Variants in SLC6A2 observed in about 807,000 individuals in gnomAD.
SLC6A2 encodes solute carrier family 6 member 2.
In SLC6A2, 26 loss-of-function variants were observed where a neutral mutation model predicts 71.7. That is an observed-to-expected ratio of 0.36 (90% CI 0.27 to 0.50). The LOEUF (loss-of-function observed/expected upper bound fraction) is 0.50. SLC6A2 is among the 20% of genes least tolerant of loss of function. The probability of loss-of-function intolerance (pLI) is 0.96; values close to 1 mark genes in which losing one functional copy is unlikely to be tolerated. For missense variants in SLC6A2, 581 were observed against 803.9 expected (o/e 0.72, Z 3.35); for synonymous variants, 363 against 337.9 (o/e 1.07, Z -0.82).
intron 4 of SLC6A2, among the ~76,000 whole-genome samples, chr16:55,674,845 C>T (rs1260551220): frequency 2.6e-5 from 4 of 152,172 alleles, no homozygotes; most frequent in Non-Finnish European, 4.4e-5. Context: ...TAGAATGATT[C>T]ATCTTCCTTT....
chr16:55,670,177 A>C (rs1394469429), intron 3 of SLC6A2, among the ~76,000 whole-genome samples: 5 of 152,232 alleles, frequency 3.3e-5, no homozygotes, highest in African/African-American at 1.2e-4. Context: ...ATCTGCAGAA[A>C]GTAGGCAGAG....
At position 55,692,158 on chromosome 16, in the gene SLC6A2, G is replaced by A; in HGVS notation, c.918+106G>A. 3 of 1,326,428 alleles carry A rather than the reference G, an allele frequency of 2.3e-6. No homozygotes were observed. The East Asian group carries it at 6.9e-5, about 31-fold the overall frequency. The allele number at this position is 1,326,428 out of a possible 1,614,324, so 82.2% of individuals were successfully genotyped here. On this transcript the variant is annotated intron_variant, in intron 6 of 14. Coordinates refer to ENST00000568943, the MANE Select transcript of SLC6A2 (RefSeq NM_001172501.3). ...CCCAGCTCTGCCACAAATGTGCAGT[G>A]TAGCCTTGGACAGGATCCTTCCCTG...
chr16:55,689,289 A>C (rs1395096715), intron 5 of SLC6A2, among the ~76,000 whole-genome samples: 2 of 152,238 alleles, frequency 1.3e-5, no homozygotes, highest in Non-Finnish European at 2.9e-5. Context: ...GCCAATTCTG[A>C]GAATCTTCAA....
intron 2 of SLC6A2, among the ~76,000 whole-genome samples, chr16:55,665,358 C>T (rs552646740): frequency 5.6e-4 from 85 of 152,190 alleles, no homozygotes; most frequent in Non-Finnish European, 1.0e-3. Flanking sequence ...TGTTAGGGCA[C>T]CCTTGGGGTG....
Position 55,656,591 on chromosome 16 carries a change from G to T in SLC6A2, c.-51-53G>T. The T allele has an allele frequency of 6.8e-7, 1 of 1,467,696 alleles. No homozygotes were observed. The highest frequency in any genetic ancestry group is 9.5e-7 in the Non-Finnish European group (1 of 1,056,932). The allele number at this position is 1,467,696 out of a possible 1,614,324, so 90.9% of individuals were successfully genotyped here. On this transcript the variant is annotated intron_variant, in intron 1 of 14. Transcript: ENST00000568943. The surrounding 1 kb of genome is among the most constrained non-coding windows in gnomAD (Gnocchi z 4.5). ...GCGCTCCCGGGTGGTCTTGGGAGTT[G>T]CAAGTAGGGAGGAACGGCCGGGTAA...
In SLC6A2 at chr16:55,656,892, G is replaced by A; in HGVS notation, c.198G>A (p.Leu66=). Reference sequence around the variant, plus strand: ...CCTGGGGCAAGAAGATCGACTTCCTGCTGTCCGTAGTCGGCTTCGCAGTGG... The same window carrying A: ...CCTGGGGCAAGAAGATCGACTTCCTACTGTCCGTAGTCGGCTTCGCAGTGG... The part of the protein sequence containing the change: ...RETWGKKIDF[L]LSVVGFAVDL... The change falls in exon 2 of 15, where the codon CTG becomes CTA. Residue 66 remains leucine, a synonymous_variant. Transcript: ENST00000568943. The surrounding 1 kb of genome is among the most constrained non-coding windows in gnomAD (Gnocchi z 4.5). 1 of 1,614,064 alleles carries A rather than the reference G, an allele frequency of 6.2e-7. No homozygotes were observed. Among genetic ancestry groups the A allele is most frequent in the Non-Finnish European group, 8.5e-7 (1 of 1,179,962 alleles).
chr16:55,697,238 G>A (rs1451100748), intron 9 of SLC6A2, among the ~76,000 whole-genome samples: 3 of 152,178 alleles, frequency 2.0e-5, no homozygotes, highest in Non-Finnish European at 4.4e-5. Flanking sequence ...TTTTGAGGCT[G>A]CTTCTGGGCT....
chr16:55,666,877 C>T (rs569279376), intron 2 of SLC6A2, among the ~76,000 whole-genome samples: 86 of 152,316 alleles, frequency 5.6e-4, no homozygotes, highest in African/African-American at 1.9e-3. Context: ...CCCACAGTGG[C>T]GAGGTCGGAG....
At chr16:55,659,709 C>T (rs1215232933) in intron 2 of SLC6A2, among the ~76,000 whole-genome samples, 3 of 152,160 alleles carry the variant, frequency 2.0e-5, no homozygotes, top group Non-Finnish European at 4.4e-5. Context: ...GACCTCCAAC[C>T]GTATTCAGAA....
chr16:55,671,923 C>A lies in SLC6A2; in HGVS notation c.407-15C>A. ...GGCCTGGGAGACTCCTACCTTACCC[C>A]CTGTCCCTGCCCAGGCGTTGGCTAT... On this transcript the variant is annotated splice_polypyrimidine_tract_variant and intron_variant, in intron 3 of 14. Transcript: ENST00000568943. 3 of 1,613,996 alleles carry A rather than the reference C, an allele frequency of 1.9e-6. No individual in the cohort carries two copies. Among genetic ancestry groups the A allele is most frequent in the Non-Finnish European group, 1.7e-6 (2 of 1,179,976 alleles).
intron 11 of SLC6A2, among the ~76,000 whole-genome samples, chr16:55,698,859 A>G (rs1965882557): frequency 6.6e-6 from 1 of 152,210 alleles, no homozygotes; most frequent in Non-Finnish European, 1.5e-5. Flanking sequence ...TTTAGCAAAC[A>G]CAACACGGGT....
chr16:55,695,811 A>G (rs2142606486), intron 8 of SLC6A2, among the ~76,000 whole-genome samples: 1 of 152,254 alleles, frequency 6.6e-6, no homozygotes, highest in Middle Eastern at 3.4e-3. Context: ...GTGCAATAGT[A>G]TTCACACCCC....
chr16:55,681,420 C>T (rs561202852), intron 4 of SLC6A2, among the ~76,000 whole-genome samples: 3 of 152,270 alleles, frequency 2.0e-5, no homozygotes, highest in East Asian at 3.9e-4. Flanking sequence ...TTTGTGGAAT[C>T]GATGAAAGGA....
At chr16:55,695,145 G>A in intron 7 of SLC6A2, 133 bp from the exon 8 acceptor site, 1 of 983,746 alleles carries the variant, frequency 1.0e-6, no homozygotes, top group Non-Finnish European at 1.6e-6. Flanking sequence ...TATCCATGTG[G>A]CAGCAGGAGC....
In SLC6A2 at chr16:55,656,573, CG is replaced by C; in HGVS notation, c.-51-68del. 5 of 1,262,066 alleles carry C rather than the reference CG, an allele frequency of 4.0e-6. No homozygotes were observed. The highest frequency in any genetic ancestry group is 5.7e-6 in the Non-Finnish European group (5 of 872,544). 78.2% of individuals were successfully genotyped at this position (1,262,066 alleles called of 1,614,324 possible). A position where few individuals can be genotyped will look rare whatever the true frequency, so the allele number is the denominator to read the frequency against. ...CTCATCCCAGTGTCTAAGGCGCTCC[CG>C]GGTGGTCTTGGGAGTTGCAAGTAGG... On this transcript the variant is annotated intron_variant, in intron 1 of 14. Transcript: ENST00000568943. The surrounding 1 kb of genome is among the most constrained non-coding windows in gnomAD (Gnocchi z 4.5).
chr16:55,686,204 G>A (rs910703792), intron 5 of SLC6A2, among the ~76,000 whole-genome samples: 1 of 152,144 alleles, frequency 6.6e-6, no homozygotes, highest in Non-Finnish European at 1.5e-5. Context: ...TGGACTACAT[G>A]GCTTCACTGG....
chr16:55,687,919 G>A (rs778223235), intron 5 of SLC6A2, among the ~76,000 whole-genome samples: 2 of 152,170 alleles, frequency 1.3e-5, no homozygotes, highest in Non-Finnish European at 2.9e-5. Flanking sequence ...AATGAGGGGC[G>A]AACCAGAGTG....
chr16:55,671,685 T>C (rs1964920390), intron 3 of SLC6A2: 2 of 682,496 alleles, frequency 2.9e-6, no homozygotes, highest in Non-Finnish European at 4.8e-6. Context: ...TGTGTGCTCC[T>C]TATGAGAATC....
intron 5 of SLC6A2, among the ~76,000 whole-genome samples, chr16:55,691,148 G>A (rs544344518): frequency 1.3e-5 from 2 of 149,640 alleles, no homozygotes; most frequent in African/African-American, 4.9e-5. Context: ...GAGAGTGGAG[G>A]AGAGGGAGAT....
Sources: allele counts gnomAD v4.1 joint callset (sites outside exome capture counted in the v4.1 genomes callset), GRCh38; gene constraint gnomAD v4.1.1; non-coding constraint Gnocchi (gnomAD v3.1); transcripts MANE v1.5; gene names NCBI Gene and HGNC (gene_info 2026-07-23, HGNC 2026-07-21).